Variants in VAV3 observed in about 807,000 individuals in gnomAD.
The protein encoded by VAV3 is guanine nucleotide exchange factor VAV3.
Under a neutral mutation model 131.2 loss-of-function variants are expected in VAV3, and 94 were observed. The observed-to-expected ratio is 0.72, with a 90% CI of 0.61 to 0.85. The LOEUF (loss-of-function observed/expected upper bound fraction) is 0.85. Among genes scored for constraint, VAV3 ranks in the 40% least tolerant of loss-of-function variants. The probability of loss-of-function intolerance (pLI) is 0.00; values close to 1 mark genes in which losing one functional copy is unlikely to be tolerated. For missense variants in VAV3, 939 were observed against 1,002.7 expected (o/e 0.94, Z 0.86); for synonymous variants, 349 against 342.0 (o/e 1.02, Z -0.22).
At chr1:107,898,016 C>G (rs1291086973) in intron 1 of VAV3, among the ~76,000 whole-genome samples, 3 of 151,836 alleles carry the variant, frequency 2.0e-5, no homozygotes, top group East Asian at 3.9e-4. Context: ...AACTTGAAAA[C>G]TATTAGGTAA....
chr1:107,585,163 T>C (rs1378731439), intron 25 of VAV3, among the ~76,000 whole-genome samples: 1 of 152,196 alleles, frequency 6.6e-6, no homozygotes, highest in Admixed American at 6.5e-5. Context: ...GCAAAAACCT[T>C]AGAATTATTC....
At chr1:107,681,943 A>G (rs540852930) in intron 19 of VAV3, among the ~76,000 whole-genome samples, 1 of 152,314 alleles carries the variant, frequency 6.6e-6, no homozygotes, top group East Asian at 1.9e-4. Flanking sequence ...TACAGGCGTG[A>G]GCCACTGCAC....
Position 107,860,185 on chromosome 1 carries a change from ATCTCGACTCACT to A in VAV3, c.321+14704_321+14715del, listed in dbSNP as rs1276559938. Among the ~76,000 whole-genome samples the A allele has an allele frequency of 3.9e-5, 6 of 152,282 alleles. No homozygotes were observed. In the East Asian group the frequency reaches 1.2e-3, roughly 29 times the overall value. On this transcript the variant is annotated intron_variant, in intron 2 of 26. Coordinates refer to ENST00000370056, the MANE Select transcript of VAV3 (RefSeq NM_006113.5). ...ACCCAGGCGAGAATGCAGTGGCATG[ATCTCGACTCACT>A]GCAGCCTCCACATTCTTGACTCAAG... is the stretch of plus-strand genomic sequence containing the variant.
rs546597090 is a variant in VAV3, at chr1:107,918,994, AC to A, written c.205-43978del. On this transcript the variant is annotated intron_variant, in intron 1 of 26. Coordinates refer to ENST00000370056, the MANE Select transcript of VAV3 (RefSeq NM_006113.5). ...AGTGTTGGGATTACAGGCACGAGCC[AC>A]CCCGCTGGACCAAGGCATATTTTAC... Among the ~76,000 whole-genome samples the A allele has an allele frequency of 6.8e-3, 1,030 of 152,220 alleles. 10 individuals carry two copies. Among genetic ancestry groups the A allele is most frequent in the Non-Finnish European group, 9.7e-3 (657 of 68,002 alleles).
At chr1:107,803,693 A>T (rs1181446308) in intron 2 of VAV3, among the ~76,000 whole-genome samples, 1 of 152,140 alleles carries the variant, frequency 6.6e-6, no homozygotes, top group African/African-American at 2.4e-5. Context: ...ATGAACTTCC[A>T]TATGCTAATG....
chr1:107,796,818 T>C (rs1463685230), intron 2 of VAV3, among the ~76,000 whole-genome samples: 1 of 150,400 alleles, frequency 6.6e-6, no homozygotes, highest in Non-Finnish European at 1.5e-5. Flanking sequence ...TATATATATA[T>C]GCAAATTTAC....
chr1:107,834,976 C>G (rs1157595990), intron 2 of VAV3, among the ~76,000 whole-genome samples: 1 of 152,158 alleles, frequency 6.6e-6, no homozygotes, highest in Admixed American at 6.5e-5. Context: ...GACAGAGCTC[C>G]AGCCTGCATG....
chr1:107,917,088 G>A (rs1162325121), intron 1 of VAV3, among the ~76,000 whole-genome samples: 2 of 152,146 alleles, frequency 1.3e-5, no homozygotes, highest in East Asian at 3.9e-4. Flanking sequence ...CAAGCTGGGT[G>A]CAGAAAGTCA....
rs199559448 is a variant in VAV3 at position 107,840,918 on chromosome 1, T to C, written c.321+33983A>G. On this transcript the variant is annotated intron_variant, in intron 2 of 26. Transcript: ENST00000370056. ...AAGGGATCAACATGTTCAGAGATGCTTTTAAAAAAAAAAAAAATTCATCTG... is the reference window on the plus strand; with the variant it reads ...AAGGGATCAACATGTTCAGAGATGCCTTTAAAAAAAAAAAAAATTCATCTG... Among the ~76,000 whole-genome samples the C allele has an allele frequency of 3.5e-5, 5 of 141,626 alleles. No individual in the cohort carries two copies. In the East Asian group the frequency reaches 9.9e-4, roughly 28 times the overall value. 92.9% of individuals were successfully genotyped at this position (141,626 alleles called of 152,430 possible).
intron 1 of VAV3, among the ~76,000 whole-genome samples, chr1:107,939,388 T>C (rs1557935887): frequency 1.3e-5 from 2 of 152,156 alleles, no homozygotes; most frequent in South Asian, 2.1e-4. Flanking sequence ...CAGTAGAAAC[T>C]GTACTTAGAA....
intron 1 of VAV3, among the ~76,000 whole-genome samples, chr1:107,959,534 G>A (rs888518577): frequency 2.0e-5 from 3 of 151,878 alleles, no homozygotes; most frequent in African/African-American, 4.8e-5. Flanking sequence ...ACATGTCATC[G>A]CTCCTCCCAA....
At chr1:107,765,710 G>C (rs1405260087) in intron 8 of VAV3, among the ~76,000 whole-genome samples, 1 of 152,096 alleles carries the variant, frequency 6.6e-6, no homozygotes, top group African/African-American at 2.4e-5. Flanking sequence ...ATATCACATG[G>C]AATCTGACCC....
chr1:107,656,699 G>A (rs1656587369), intron 19 of VAV3, among the ~76,000 whole-genome samples: 1 of 151,940 alleles, frequency 6.6e-6, no homozygotes, highest in African/African-American at 2.4e-5. Flanking sequence ...TCAAATTATT[G>A]CAGGTACTCC....
chr1:107,877,957 T>A (rs996214310), intron 1 of VAV3, among the ~76,000 whole-genome samples: 1 of 152,158 alleles, frequency 6.6e-6, no homozygotes, highest in African/African-American at 2.4e-5. Flanking sequence ...ATAGAGGAAG[T>A]GAGGCTGCCA....
At chr1:107,772,897 A>C in intron 4 of VAV3, 54 bp from the exon 5 acceptor site, 9 of 1,405,208 alleles carry the variant, frequency 6.4e-6, no homozygotes, top group Non-Finnish European at 8.9e-6. Context: ...TAAATGCAAT[A>C]GCTACAAATA....
chr1:107,779,369 C>G lies in VAV3; in HGVS notation c.380+65G>C, dbSNP rs571051600. 12 of 1,410,906 alleles carry G rather than the reference C, an allele frequency of 8.5e-6. No homozygotes were observed. The South Asian group carries it at 1.6e-4, about 19-fold the overall frequency. 87.4% of individuals were successfully genotyped at this position (1,410,906 alleles called of 1,614,324 possible). On this transcript the variant is annotated intron_variant, in intron 3 of 26. Transcript: ENST00000370056. ...GTGCAAGATGCTTCACAAATAGTAA[C>G]CATTTAATAAAGAATCATTACACTG... is the stretch of plus-strand genomic sequence containing the variant.
chr1:107,572,146 T>C lies in VAV3; in HGVS notation c.*1185A>G, dbSNP rs2100969523. 1 of 152,320 alleles carries C rather than the reference T, an allele frequency of 6.6e-6. No individual in the cohort carries two copies. The highest frequency in any genetic ancestry group is 2.4e-5 in the African/African-American group (1 of 41,560). The allele number at this position is 152,320 out of a possible 1,614,324, so 9.4% of individuals were successfully genotyped here. On this transcript the variant is annotated 3_prime_UTR_variant, in exon 27 of 27. Transcript: ENST00000370056. ...TTAGGCTCCTCACAAAAAAGAGTGA[T>C]GGCTGGGCAAAACAAATGTACTGCA...
At chr1:107,945,014 T>C (rs1674182807) in intron 1 of VAV3, among the ~76,000 whole-genome samples, 1 of 152,198 alleles carries the variant, frequency 6.6e-6, no homozygotes, top group Non-Finnish European at 1.5e-5. Context: ...AAAGGAAATG[T>C]ACCAGGCATA....
intron 1 of VAV3, among the ~76,000 whole-genome samples, chr1:107,955,771 T>C (rs1373895145): frequency 2.0e-5 from 3 of 151,994 alleles, no homozygotes; most frequent in African/African-American, 7.3e-5. Flanking sequence ...GAGAAGAGCT[T>C]TGAGAGATGA....
Sources: gnomAD v4.1 joint callset for allele counts (sites outside exome capture counted in the v4.1 genomes callset) on GRCh38, gnomAD v4.1.1 for gene constraint, MANE v1.5 for transcripts, NCBI Gene and HGNC (gene_info 2026-07-23, HGNC 2026-07-21) for gene names.